The following CALHM4 variants were observed in gnomAD, a reference collection of about 807,000 sequenced individuals.
CALHM4 encodes the protein calcium homeostasis modulator protein 4.
In CALHM4, 16 loss-of-function variants were observed where a neutral mutation model predicts 13.3. That is an observed-to-expected ratio of 1.20 (90% CI 0.81 to 1.82). CALHM4 has a LOEUF of 1.82. Ranked by LOEUF, CALHM4 falls within the 40% of genes most tolerant of loss-of-function variation. The probability of loss-of-function intolerance (pLI) is 0.00; values close to 1 mark genes in which losing one functional copy is unlikely to be tolerated. For missense variants in CALHM4, 344 were observed against 374.9 expected (o/e 0.92, Z 0.68); for synonymous variants, 127 against 137.1 (o/e 0.93, Z 0.52).
intron 1 of CALHM4, among the ~76,000 whole-genome samples, chr6:116,539,684 T>C (rs956359989): frequency 1.3e-5 from 2 of 151,970 alleles, no homozygotes; most frequent in Non-Finnish European, 2.9e-5. Flanking sequence ...TATTAAGGAC[T>C]AGGAGAGAAA....
intron 2 of CALHM4, chr6:116,544,015 C>A (rs1773618908): frequency 1.5e-6 from 1 of 684,344 alleles, no homozygotes; most frequent in Non-Finnish European, 2.4e-6. Context: ...AGGGTTTTTC[C>A]AAGAACCTAA....
intron 2 of CALHM4, among the ~76,000 whole-genome samples, chr6:116,544,882 G>A (rs1004260075): frequency 4.6e-5 from 7 of 151,968 alleles, no homozygotes; most frequent in Non-Finnish European, 8.8e-5. Context: ...TTTTGTATCT[G>A]TAGTATCTGA....
upstream of CALHM4, among the ~76,000 whole-genome samples, chr6:116,550,441 C>T (rs910050191): frequency 2.6e-5 from 4 of 152,114 alleles, no homozygotes; most frequent in African/African-American, 9.7e-5. Flanking sequence ...GTAATCTCTC[C>T]ACACCTTAGT....
At chr6:116,546,261 TTTC>T (rs943697377) in intron 2 of CALHM4, among the ~76,000 whole-genome samples, 24 of 152,150 alleles carry the variant, frequency 1.6e-4, no homozygotes, top group African/African-American at 5.5e-4. Flanking sequence ...AGCCCTTAGC[TTTC>T]TTTTGAGAGC....
chr6:116,550,464 A>G (rs1468507746), upstream of CALHM4, among the ~76,000 whole-genome samples: 1 of 152,166 alleles, frequency 6.6e-6, no homozygotes, highest in African/African-American at 2.4e-5. Context: ...TCTCATCTAT[A>G]AAAACATTGA....
At chr6:116,529,066 T>C (rs993443323) in exon 1 of CALHM4, 1 of 152,438 alleles carries the variant, frequency 6.6e-6, no homozygotes, top group African/African-American at 2.4e-5. Flanking sequence ...CTGCTCTCTC[T>C]GACCGGGTCT....
chr6:116,550,011 TATATATATATATATAC>T (rs1337768234), upstream of CALHM4, among the ~76,000 whole-genome samples: 53 of 75,656 alleles, frequency 7.0e-4, no homozygotes, highest in South Asian at 7.7e-3. Flanking sequence ...TATATATATA[TATATATATATATATAC>T]ACACACACAC....
upstream of CALHM4, among the ~76,000 whole-genome samples, chr6:116,551,455 A>G (rs964717644): frequency 2.6e-5 from 4 of 152,166 alleles, no homozygotes; most frequent in African/African-American, 9.7e-5. Context: ...CATCCGGAAA[A>G]TTATTTCTGA....
intron 1 of CALHM4, among the ~76,000 whole-genome samples, chr6:116,537,968 C>T (rs555767694): frequency 6.6e-6 from 1 of 152,268 alleles, no homozygotes; most frequent in African/African-American, 2.4e-5. Context: ...ATATCCTGGT[C>T]GAGGACCACA....
rs9387420 is a variant in CALHM4 at position 116,554,330 on chromosome 6, T to C, written c.537T>C (p.Leu179=). 0.17 allele frequency: 257,223 copies of C among 1,544,598 alleles called. 23,202 individuals are homozygous for C. Among genetic ancestry groups the C allele is most frequent in the East Asian group, 0.36 (14,715 of 40,876 alleles). Residue 179 remains leucine (L), a synonymous_variant, in exon 1 of 2, where the codon CTT becomes CTC. Transcript: ENST00000368596. ...TCCTAGTAAGAGATGAAATAGCTCT[T>C]CTGCACAGATACCAGTCACAGGTAA... ...DVILVRDEIA[L]LHRYQSQMLG...
chr6:116,543,917 T>C (rs1188354873), intron 2 of CALHM4: 12 of 1,400,256 alleles, frequency 8.6e-6, no homozygotes, highest in African/African-American at 1.4e-5. Context: ...GGGAATGTGA[T>C]ATTTCCTTAT....
upstream of CALHM4, among the ~76,000 whole-genome samples, chr6:116,550,041 C>G (rs1338011054): frequency 2.1e-5 from 3 of 145,388 alleles, no homozygotes; most frequent in Admixed American, 6.9e-5. Flanking sequence ...CACACACACA[C>G]ACACACATCC....
upstream of CALHM4, among the ~76,000 whole-genome samples, chr6:116,549,980 TTATATATATA>T (rs10544532): frequency 0.37 from 29,214 of 79,260 alleles, 5,689 homozygotes; most frequent in East Asian, 0.48. Context: ...CCATCTTAAA[TTATATATATA>T]TATATATATA....
intron 1 of CALHM4, chr6:116,543,204 G>T: frequency 1.2e-6 from 1 of 820,056 alleles, no homozygotes; most frequent in Non-Finnish European, 1.9e-6. Context: ...CAGAAGAACA[G>T]CTGGTGAAAT....
upstream of CALHM4, among the ~76,000 whole-genome samples, chr6:116,552,224 T>C (rs1189217646): frequency 3.3e-5 from 5 of 152,216 alleles, no homozygotes; most frequent in East Asian, 9.6e-4. Context: ...TTGTTATTGA[T>C]GAGAAGTCTG....
chr6:116,560,775 A>G lies in CALHM4; in HGVS notation c.*2564A>G, dbSNP rs965187401. Among the ~76,000 whole-genome samples, 3 of 152,178 alleles carry G rather than the reference A, an allele frequency of 2.0e-5. No individual in the cohort carries two copies. The highest frequency in any genetic ancestry group is 4.4e-5 in the Non-Finnish European group (3 of 68,034). On this transcript the variant is annotated 3_prime_UTR_variant, in exon 2 of 2. Transcript: ENST00000368596. ...TAATGGATTTATGTAATTATAAAAC[A>G]TATAATTAAAGTCAATTATGTGCTA...
chr6:116,554,744 C>G (rs929291595), intron 1 of CALHM4, among the ~76,000 whole-genome samples: 1 of 151,990 alleles, frequency 6.6e-6, no homozygotes, highest in African/African-American at 2.4e-5. Context: ...TAGTAAATCC[C>G]ATTTTCTGTA....
At chr6:116,552,574 T>C (rs1177468235), upstream of CALHM4, among the ~76,000 whole-genome samples, 1 of 152,236 alleles carries the variant, frequency 6.6e-6, no homozygotes, top group Non-Finnish European at 1.5e-5. Flanking sequence ...TTCTCAGTAC[T>C]ACATTTCCTT....
rs576926618 is a variant in CALHM4 at position 116,531,718 on chromosome 6, A to G, written c.-109+2528A>G. On this transcript the variant is annotated intron_variant, in intron 1 of 2. Transcript: ENST00000368597. ...ATAATAATATGAAATGCACTATGTA[A>G]TGATTTGGTTACCTACTTAATATTT... is the stretch of plus-strand genomic sequence containing the variant. Among the ~76,000 whole-genome samples, 3 of 152,300 alleles carry G rather than the reference A, an allele frequency of 2.0e-5. No homozygotes were observed. The South Asian group carries it at 6.2e-4, about 32-fold the overall frequency.
Sources: gnomAD v4.1 joint callset for allele counts (sites outside exome capture counted in the v4.1 genomes callset) on GRCh38, gnomAD v4.1.1 for gene constraint, MANE v1.5 for transcripts, NCBI Gene and HGNC (gene_info 2026-07-23, HGNC 2026-07-21) for gene names.